Variants in PITRM1 observed in about 807,000 individuals in gnomAD.
PITRM1 encodes pitrilysin metallopeptidase 1.
Under a neutral mutation model 129.9 loss-of-function variants are expected in PITRM1, and 100 were observed. That is an observed-to-expected ratio of 0.77 (90% CI 0.65 to 0.91). The LOEUF is 0.91. Among genes scored for constraint, PITRM1 ranks in the 40% least tolerant of loss-of-function variants. The probability of loss-of-function intolerance (pLI) is 0.00; values close to 1 mark genes in which losing one functional copy is unlikely to be tolerated. For synonymous variants in PITRM1, 591 were observed against 508.8 expected (o/e 1.16, Z -2.17); for missense variants, 1,471 against 1,318.3 (o/e 1.12, Z -1.79).
In PITRM1 at chr10:3,140,494, C is replaced by T. The variant is rs9423702; in HGVS notation, c.2771+193G>A. Among the ~76,000 whole-genome samples the T allele has an allele frequency of 4.2e-3, 645 of 152,200 alleles. 5 individuals carry two copies. Among genetic ancestry groups the T allele is most frequent in the African/African-American group, 0.015 (628 of 41,514 alleles). On this transcript the variant is annotated intron_variant, in intron 24 of 26. Transcript: ENST00000224949. ...ACTGAAGGCAGAATGCTTCCTGTTT[C>T]GGCTGCTGGCCCTAATCCTCGCGCC...
At position 3,163,768 on chromosome 10, in the gene PITRM1, G is replaced by C. The variant is rs1439517113; in HGVS notation, c.748C>G (p.Leu250Val). 1 of 1,613,170 alleles carries C rather than the reference G, an allele frequency of 6.2e-7. No homozygotes were observed. Among genetic ancestry groups the C allele is most frequent in the African/African-American group, 1.3e-5 (1 of 75,014 alleles). Residue 250 changes from leucine to valine, a missense_variant, in exon 7 of 27, where the codon CTT becomes GTT. Physicochemically the swap from Leu to Val is conservative, Grantham distance 32. Coordinates refer to ENST00000224949, the MANE Select transcript of PITRM1 (RefSeq NM_014889.4). ...LCIPELTWEQ[L>V]KQFHATHYHP... ...TAGTGAGTGGCATGAAACTGCTTAA[G>C]CTGCTCCCATGTAAGCTCCGGGATG...
intron 23 of PITRM1, 32 bp from the exon 24 acceptor site, chr10:3,140,844 G>A (rs369945025): frequency 4.1e-5 from 63 of 1,528,788 alleles, no homozygotes; most frequent in African/African-American, 1.9e-4. Context: ...AGTTAATACC[G>A]TGGCTGATAA....
At chr10:3,147,403 G>A in intron 19 of PITRM1, 153 bp from the exon 20 acceptor site, 1 of 927,924 alleles carries the variant, frequency 1.1e-6, no homozygotes, top group South Asian at 1.5e-5. Context: ...GATGCAGGGT[G>A]GTACAAAGAG....
intron 2 of PITRM1, among the ~76,000 whole-genome samples, chr10:3,168,433 A>ACGGTTTTATAAGGGGCTTCC (rs1170697484): frequency 1.4e-5 from 2 of 147,180 alleles, no homozygotes; most frequent in African/African-American, 5.3e-5. Flanking sequence ...CTATGGCTGG[A>ACGGTTTTATAAGGGGCTTCC]CACAGTGGCT....
At chr10:3,146,113 C>T in intron 20 of PITRM1, 1 of 185,212 alleles carries the variant, frequency 5.4e-6, no homozygotes, top group Non-Finnish European at 1.1e-5. Context: ...GTTGTTAAAG[C>T]AGAACATTAT....
intron 2 of PITRM1, 142 bp from the exon 3 acceptor site, chr10:3,167,184 A>C (rs1842931930): frequency 1.7e-6 from 1 of 604,556 alleles, no homozygotes; most frequent in Non-Finnish European, 2.9e-6. Context: ...GCTGGAGAGA[A>C]GAGAACCATC....
chr10:3,144,227 T>A (rs1465983275), intron 22 of PITRM1, 65 bp downstream of exon 22: 5 of 875,988 alleles, frequency 5.7e-6, no homozygotes, highest in Non-Finnish European at 9.2e-6. Context: ...CGAACATCAG[T>A]GGCAGACACA....
intron 22 of PITRM1, chr10:3,143,915 T>C: frequency 5.8e-6 from 3 of 514,264 alleles, no homozygotes; most frequent in East Asian, 8.4e-5. Flanking sequence ...AGCACCAGGC[T>C]GAGTCGCGGA....
chr10:3,158,564 A>C (rs1426072655), intron 10 of PITRM1, among the ~76,000 whole-genome samples: 1 of 152,108 alleles, frequency 6.6e-6, no homozygotes, highest in African/African-American at 2.4e-5. Context: ...AAAAATTCTA[A>C]TACTTAATGA....
chr10:3,171,146 TTAAAAAAA>T (rs1206740830), intron 1 of PITRM1, among the ~76,000 whole-genome samples: 27 of 36,260 alleles, frequency 7.4e-4, no homozygotes, highest in East Asian at 2.3e-3. Context: ...AATCGTTCAA[TTAAAAAAA>T]AAAAAAAAAA....
chr10:3,148,310 A>G lies in PITRM1; in HGVS notation c.1872-19T>C, dbSNP rs1841130274. Reference sequence around the variant, plus strand: ...GCCCAGCCTGACACAGCAGAGAAGCATCGCCCCGATTACAAGTCAGTCTTT... The same window carrying G: ...GCCCAGCCTGACACAGCAGAGAAGCGTCGCCCCGATTACAAGTCAGTCTTT... On this transcript the variant is annotated intron_variant, in intron 16 of 26. Coordinates refer to ENST00000224949, the MANE Select transcript of PITRM1 (RefSeq NM_014889.4). The G allele has an allele frequency of 1.3e-6, 2 of 1,580,222 alleles. No homozygotes were observed. Among genetic ancestry groups the G allele is most frequent in the Non-Finnish European group, 1.7e-6 (2 of 1,163,752 alleles).
chr10:3,166,049 C>T (rs1399776366), intron 4 of PITRM1, among the ~76,000 whole-genome samples, 180 bp downstream of exon 4: 3 of 152,136 alleles, frequency 2.0e-5, no homozygotes, highest in Non-Finnish European at 4.4e-5. Flanking sequence ...TTTACAATCT[C>T]GCTACCATGT....
chr10:3,145,438 C>G, intron 21 of PITRM1, 158 bp downstream of exon 21: 1 of 654,664 alleles, frequency 1.5e-6, no homozygotes, highest in Non-Finnish European at 2.6e-6. Context: ...GCACAAGATA[C>G]TTAATCCTCC....
intron 2 of PITRM1, 67 bp from the exon 3 acceptor site, chr10:3,167,109 G>A (rs1395776680): frequency 5.8e-6 from 5 of 868,468 alleles, no homozygotes; most frequent in South Asian, 3.1e-5. Context: ...GGTTATGTTC[G>A]ACACACTGAG....
chr10:3,154,955 T>C (rs1469054651), intron 14 of PITRM1, among the ~76,000 whole-genome samples: 1 of 152,146 alleles, frequency 6.6e-6, no homozygotes, highest in South Asian at 2.1e-4. Context: ...GTTTTCTCCA[T>C]CCAATTTCTC....
Position 3,143,374 on chromosome 10 carries a change from C to A in PITRM1, c.2645+15G>T. ...AAGGCTCAGGCCTGAGAGGTCCCGA[C>A]CTACACCCTCCTACCTGGCATGATC... On this transcript the variant is annotated intron_variant, in intron 23 of 26. Transcript: ENST00000224949. The A allele has an allele frequency of 6.5e-7, 1 of 1,535,772 alleles. No individual in the cohort carries two copies. The highest frequency in any genetic ancestry group is 1.7e-5 in the Admixed American group (1 of 59,846).
At chr10:3,167,134 T>C in intron 2 of PITRM1, 92 bp from the exon 3 acceptor site, 1 of 707,102 alleles carries the variant, frequency 1.4e-6, no homozygotes, top group Non-Finnish European at 2.4e-6. Flanking sequence ...CTGGCTTTTC[T>C]GCCTGAAATT....
rs1397284903 is a variant in PITRM1, at chr10:3,166,945, T to C, written c.257A>G (p.Asn86Ser). 1 of 1,590,172 alleles carries C rather than the reference T, an allele frequency of 6.3e-7. No homozygotes were observed. The highest frequency in any genetic ancestry group is 1.1e-5 in the South Asian group (1 of 89,626). ...ACAATGCACCACACACCTGAACAGATTATTCGTGTCTTCTCTGGCCAGGTG... is the reference window on the plus strand; with the variant it reads ...ACAATGCACCACACACCTGAACAGACTATTCGTGTCTTCTCTGGCCAGGTG... ...YLHLAREDTN[N>S]LFSVQFRTTP... The change falls in exon 3 of 27, where the codon AAT (asparagine) becomes AGT (serine). Residue 86 changes from asparagine to serine, a missense_variant. Coordinates refer to ENST00000224949, the MANE Select transcript of PITRM1 (RefSeq NM_014889.4).
chr10:3,148,282 G>A lies in PITRM1; in HGVS notation c.1881C>T (p.Cys627=), dbSNP rs372900610. Residue 627 remains cysteine (C), a synonymous_variant, in exon 17 of 27, where the codon TGC becomes TGT. Coordinates refer to ENST00000224949, the MANE Select transcript of PITRM1 (RefSeq NM_014889.4). ...LFCSVLTKLG[C]GLLDYREQAQ... ...CCTGCTCCCGGTAGTCAAGAAGGCC[G>A]CAGCCCAGCCTGACACAGCAGAGAA... 1.8e-5 allele frequency: 29 copies of A among 1,610,506 alleles called. No homozygotes were observed. In the East Asian group the frequency reaches 3.1e-4, roughly 17 times the overall value.
Sources: allele counts gnomAD v4.1 joint callset (sites outside exome capture counted in the v4.1 genomes callset), GRCh38; gene constraint gnomAD v4.1.1; transcripts MANE v1.5; gene names NCBI Gene and HGNC (gene_info 2026-07-23, HGNC 2026-07-21).